The following BACH2 variants were observed in gnomAD, a reference collection of about 807,000 sequenced individuals.
BACH2 encodes BACH transcriptional regulator 2.
BACH2 carries 5 observed loss-of-function variants against 61.8 expected under a neutral mutation model. The ratio of observed to expected loss-of-function variants is 0.08; its 90% confidence interval spans 0.04 to 0.17. The LOEUF is 0.17. Ranked by LOEUF, BACH2 falls within the 10% of genes least tolerant of loss-of-function variation. BACH2 has a pLI of 1.00. For synonymous variants in BACH2, 446 were observed against 440.1 expected (o/e 1.01, Z -0.17); for missense variants, 824 against 1,091.1 (o/e 0.76, Z 3.45).
intron 7 of BACH2, among the ~76,000 whole-genome samples, chr6:89,938,725 T>C (rs1460698246): frequency 1.3e-5 from 2 of 152,168 alleles, no homozygotes; most frequent in Non-Finnish European, 2.9e-5. Context: ...TATAGGGAGA[T>C]ACCACATAAG....
At chr6:90,100,804 G>A (rs573178480) in intron 4 of BACH2, among the ~76,000 whole-genome samples, 20 of 151,570 alleles carry the variant, frequency 1.3e-4, no homozygotes, top group East Asian at 9.7e-4. Flanking sequence ...GGGACAAATG[G>A]TAACTCTGTA....
chr6:89,943,190 T>A (rs1584508877), intron 7 of BACH2, among the ~76,000 whole-genome samples: 4 of 152,068 alleles, frequency 2.6e-5, no homozygotes, highest in South Asian at 4.1e-4. Context: ...AGGTGTGACA[T>A]CTGGACAGTG....
chr6:90,053,798 T>C (rs1304762272), intron 5 of BACH2, among the ~76,000 whole-genome samples: 1 of 152,264 alleles, frequency 6.6e-6, no homozygotes, highest in African/African-American at 2.4e-5. Context: ...TCAGTCTAAG[T>C]ATTGTTCCTC....
chr6:89,963,827 A>G (rs1203999551), intron 6 of BACH2, among the ~76,000 whole-genome samples: 2 of 152,246 alleles, frequency 1.3e-5, no homozygotes, highest in African/African-American at 4.8e-5. Context: ...TTCATGAGTG[A>G]CTGGATCAAC....
intron 3 of BACH2, among the ~76,000 whole-genome samples, chr6:90,224,923 C>G (rs990825498): frequency 6.6e-6 from 1 of 152,122 alleles, no homozygotes; most frequent in Non-Finnish European, 1.5e-5. Flanking sequence ...TTTTCAGATT[C>G]TCTGGTGAGT....
chr6:90,268,016 T>TG (rs1743236202), intron 2 of BACH2, among the ~76,000 whole-genome samples: 2 of 151,306 alleles, frequency 1.3e-5, no homozygotes, highest in East Asian at 1.9e-4. Flanking sequence ...TTTTGTTTTT[T>TG]TTTTTTTTTC....
At position 90,295,945 on chromosome 6, in the gene BACH2, G is replaced by T. The variant is rs1374396728; in HGVS notation, c.-446+535C>A. Among the ~76,000 whole-genome samples, 4 of 152,204 alleles carry T rather than the reference G, an allele frequency of 2.6e-5. No homozygotes were observed. In the East Asian group the frequency reaches 7.8e-4, roughly 30 times the overall value. On this transcript the variant is annotated intron_variant, in intron 1 of 8. Coordinates refer to ENST00000257749, the MANE Select transcript of BACH2 (RefSeq NM_021813.4). Reference sequence around the variant, plus strand: ...TGACAGCTGAGCGCAAAGGCGCCGCGGCCAAGGTCCTCGCGGAGCAGCCCG... The same window carrying T: ...TGACAGCTGAGCGCAAAGGCGCCGCTGCCAAGGTCCTCGCGGAGCAGCCCG...
chr6:90,295,952 G>A (rs1295641000), intron 1 of BACH2, among the ~76,000 whole-genome samples: 1 of 152,190 alleles, frequency 6.6e-6, no homozygotes, highest in Middle Eastern at 3.4e-3. Context: ...CGCGGCCAAG[G>A]TCCTCGCGGA....
At chr6:90,066,726 A>G (rs376243205) in intron 5 of BACH2, among the ~76,000 whole-genome samples, 1 of 152,376 alleles carries the variant, frequency 6.6e-6, no homozygotes, top group East Asian at 1.9e-4. Flanking sequence ...GACACTAAGT[A>G]GATCTATGTT....
intron 4 of BACH2, among the ~76,000 whole-genome samples, chr6:90,177,643 C>T (rs1479996938): frequency 1.3e-5 from 2 of 152,126 alleles, no homozygotes; most frequent in African/African-American, 4.8e-5. Flanking sequence ...AACTTACACC[C>T]TGGGTTGAAG....
At chr6:90,030,371 T>C (rs936063464) in intron 5 of BACH2, among the ~76,000 whole-genome samples, 3 of 151,900 alleles carry the variant, frequency 2.0e-5, no homozygotes, top group African/African-American at 7.3e-5. Flanking sequence ...TGAGAGAAGA[T>C]GGTAGGAGGA....
At position 90,097,608 on chromosome 6, in the gene BACH2, A is replaced by C. The variant is rs150273348; in HGVS notation, c.-161-8499T>G. Among the ~76,000 whole-genome samples the C allele has an allele frequency of 1.2e-3, 190 of 152,316 alleles. 1 individual carries two copies. The highest frequency in any genetic ancestry group is 4.3e-3 in the African/African-American group (180 of 41,572). The stretch of plus-strand genomic sequence containing the variant: ...TAAAGATACTTGGAATTCTTGCCTC[A>C]AAGGGTAAGTGGGTTTTCCTTCTGT... On this transcript the variant is annotated intron_variant, in intron 4 of 8. Coordinates refer to ENST00000257749, the MANE Select transcript of BACH2 (RefSeq NM_021813.4).
chr6:89,997,178 C>T (rs1311696801), intron 6 of BACH2, among the ~76,000 whole-genome samples: 1 of 152,158 alleles, frequency 6.6e-6, no homozygotes, highest in Non-Finnish European at 1.5e-5. Flanking sequence ...GTGAATGAGA[C>T]ATCTGGTCAA....
intron 6 of BACH2, among the ~76,000 whole-genome samples, chr6:89,979,461 C>T (rs1377013470): frequency 2.0e-5 from 3 of 152,110 alleles, no homozygotes; most frequent in African/African-American, 7.2e-5. Context: ...AGTGTAACAG[C>T]TGCTATGACA....
At chr6:89,972,945 C>G (rs1164812738) in intron 6 of BACH2, among the ~76,000 whole-genome samples, 2 of 152,084 alleles carry the variant, frequency 1.3e-5, no homozygotes, top group Non-Finnish European at 2.9e-5. Flanking sequence ...AAAAAATTAG[C>G]TGGGCATGGT....
chr6:90,085,847 C>T (rs966339416), intron 5 of BACH2, among the ~76,000 whole-genome samples: 4 of 152,080 alleles, frequency 2.6e-5, no homozygotes, highest in Non-Finnish European at 5.9e-5. Flanking sequence ...ATAAAATTTA[C>T]CATTTTACCC....
At chr6:89,961,267 AGT>A (rs1774729724) in intron 6 of BACH2, among the ~76,000 whole-genome samples, 1 of 152,200 alleles carries the variant, frequency 6.6e-6, no homozygotes, top group Admixed American at 6.5e-5. Context: ...TTTCAATATA[AGT>A]GTAGGTCTTA....
In BACH2 at chr6:89,951,458, G is replaced by A. The variant is rs1315295818; in HGVS notation, c.648C>T (p.Thr216=). 1.2e-6 allele frequency: 2 copies of A among 1,614,200 alleles called. No individual in the cohort carries two copies. The highest frequency in any genetic ancestry group is 1.7e-5 in the Admixed American group (1 of 60,020). Reference sequence around the variant, plus strand: ...ACGCGTCCTTTTCTGAGCTCTCCTTGGTGTCTGTGGGCACGTCAGGCTCGG... The same window carrying A: ...ACGCGTCCTTTTCTGAGCTCTCCTTAGTGTCTGTGGGCACGTCAGGCTCGG... ...LLPEPDVPTD[T]KESSEKDALT... Residue 216 remains threonine (T), a synonymous_variant, in exon 7 of 9, where the codon ACC becomes ACT. Coordinates refer to ENST00000257749, the MANE Select transcript of BACH2 (RefSeq NM_021813.4). The surrounding 1 kb of genome is among the most constrained non-coding windows in gnomAD (Gnocchi z 6.4).
intron 4 of BACH2, among the ~76,000 whole-genome samples, chr6:90,143,003 T>A (rs1477396285): frequency 6.6e-6 from 1 of 152,190 alleles, no homozygotes; most frequent in African/African-American, 2.4e-5. Context: ...TGACAGCCAG[T>A]TGCAAGTTAG....
Sources: gnomAD v4.1 joint callset for allele counts (sites outside exome capture counted in the v4.1 genomes callset) on GRCh38, gnomAD v4.1.1 for gene constraint, Gnocchi (gnomAD v3.1) non-coding constraint, MANE v1.5 for transcripts, NCBI Gene and HGNC (gene_info 2026-07-23, HGNC 2026-07-21) for gene names.